Variants in CDC42BPB observed in about 807,000 individuals in gnomAD.
CDC42BPB encodes serine/threonine-protein kinase MRCK beta.
CDC42BPB carries 37 observed loss-of-function variants against 214.9 expected under a neutral mutation model. That is an observed-to-expected ratio of 0.17 (90% CI 0.13 to 0.23). The LOEUF (loss-of-function observed/expected upper bound fraction) is 0.23, where lower values mean the gene tolerates loss of function less well. CDC42BPB is among the 10% of genes least tolerant of loss of function. The pLI is 1.00. For missense variants in CDC42BPB, 1,694 were observed against 2,227.0 expected, an observed-to-expected ratio of 0.76 and a Z score of 4.82; for synonymous variants, 931 against 884.0, an observed-to-expected ratio of 1.05 and a Z score of -0.94.
intron 7 of CDC42BPB, among the ~76,000 whole-genome samples, chr14:102,981,498 C>T (rs548579305): frequency 3.3e-5 from 5 of 152,140 alleles, no homozygotes; most frequent in South Asian, 4.1e-4. Flanking sequence ...AAAAAGATAC[C>T]GGCTGGGCAC....
At chr14:102,951,514 C>T (rs1399126959) in intron 24 of CDC42BPB, among the ~76,000 whole-genome samples, 4 of 151,306 alleles carry the variant, frequency 2.6e-5, no homozygotes, top group East Asian at 1.9e-4. Flanking sequence ...ATGGGCTGGG[C>T]GCAGTGGCTC....
At chr14:103,032,535 C>CAAAAAAAAAAA (rs570009408) in intron 1 of CDC42BPB, among the ~76,000 whole-genome samples, 1 of 45,040 alleles carries the variant, frequency 2.2e-5, no homozygotes, top group Admixed American at 2.8e-4. Flanking sequence ...AAATAAACTG[C>CAAAAAAAAAAA]AAAAAAAAAA....
At chr14:103,038,999 CTG>C (rs768172181) in intron 1 of CDC42BPB, among the ~76,000 whole-genome samples, 42 of 152,086 alleles carry the variant, frequency 2.8e-4, no homozygotes, top group Middle Eastern at 3.2e-3. Context: ...CTATGAACAA[CTG>C]TATGCCAACA....
chr14:103,051,359 A>G (rs537599123), intron 1 of CDC42BPB, among the ~76,000 whole-genome samples: 2 of 151,962 alleles, frequency 1.3e-5, no homozygotes, highest in African/African-American at 4.8e-5. Flanking sequence ...GTCAAGGACT[A>G]ATAGGTATTA....
chr14:102,981,153 C>G, intron 7 of CDC42BPB, 132 bp from the exon 8 acceptor site: 1 of 1,466,320 alleles, frequency 6.8e-7, no homozygotes, highest in Non-Finnish European at 9.0e-7. Context: ...TAAATGCAAT[C>G]CAAAGCTAAT....
rs1891971401 is a variant in CDC42BPB at position 102,943,029 on chromosome 14, C to T, written c.4408+862G>A. Among the ~76,000 whole-genome samples the T allele has an allele frequency of 6.6e-6, 1 of 152,280 alleles. No individual in the cohort carries two copies. The highest frequency in any genetic ancestry group is 2.4e-5 in the African/African-American group (1 of 41,534). On this transcript the variant is annotated intron_variant, in intron 30 of 36. Coordinates refer to ENST00000361246, the MANE Select transcript of CDC42BPB (RefSeq NM_006035.4). This position sits in a 1 kb window ranked among gnomAD's most constrained non-coding sequence, Gnocchi z 4.6. ...GACTACAGGCGCCCGCCACCACGCC[C>T]GGCTAATTTTTTTTTGTATTTTTAG...
intron 12 of CDC42BPB, among the ~76,000 whole-genome samples, 192 bp downstream of exon 12, chr14:102,973,824 C>T (rs1005959194): frequency 3.9e-5 from 6 of 152,202 alleles, no homozygotes; most frequent in Admixed American, 1.3e-4. Flanking sequence ...CTCTGCCAGC[C>T]GACGCGGGGG....
At chr14:102,976,163 C>G in intron 9 of CDC42BPB, 114 bp from the exon 10 acceptor site, 1 of 1,497,510 alleles carries the variant, frequency 6.7e-7, no homozygotes, top group Non-Finnish European at 8.9e-7. Context: ...AACAAAAACA[C>G]CTGAGATAAG....
At chr14:103,056,644 T>C (rs2139808146) in intron 1 of CDC42BPB, among the ~76,000 whole-genome samples, 1 of 109,120 alleles carries the variant, frequency 9.2e-6, no homozygotes, top group African/African-American at 3.7e-5. Flanking sequence ...AGGGTGGATC[T>C]AGGAAGCCGC....
chr14:102,947,770 G>A lies in CDC42BPB; in HGVS notation c.3482C>T (p.Ala1161Val), dbSNP rs1420176623. ...DDEFSVSSVL[A>V]SDVIHATRRD... ...GCGTGTAGCATGAATGACATCTGAG[G>A]CCAGGACTGAGCTCACGGAAAACTC... The change falls in exon 27 of 37, where the codon GCC becomes GTC. Residue 1161 changes from alanine (A) to valine (V), a missense_variant. Transcript: ENST00000361246. 5.6e-6 allele frequency: 9 copies of A among 1,612,444 alleles called. No homozygotes were observed. In the South Asian group the frequency reaches 8.8e-5, roughly 16 times the overall value.
At chr14:102,970,356 C>T (rs1893420911) in intron 13 of CDC42BPB, 95 bp from the exon 14 acceptor site, 6 of 1,494,604 alleles carry the variant, frequency 4.0e-6, no homozygotes, top group East Asian at 2.5e-5. Context: ...AACAAGACCT[C>T]GAAGGAGCTC....
At chr14:102,936,278 A>G (rs967397568) in intron 36 of CDC42BPB, among the ~76,000 whole-genome samples, 1 of 152,232 alleles carries the variant, frequency 6.6e-6, no homozygotes, top group African/African-American at 2.4e-5. Context: ...ACAGGCACTC[A>G]AACACATATG....
Position 102,949,914 on chromosome 14 carries a change from AAAAC to A in CDC42BPB, c.3310-14_3310-11del, listed in dbSNP as rs1292477534. 1.9e-6 allele frequency: 3 copies of A among 1,612,750 alleles called. No homozygotes were observed. Among genetic ancestry groups the A allele is most frequent in the East Asian group, 2.2e-5 (1 of 44,868 alleles). ...CCGTGGGCTTTGGGACCTATGAATA[AAAAC>A]AAACAGTGGCCACGTTCCACCAGGC... On this transcript the variant is annotated splice_polypyrimidine_tract_variant and intron_variant, in intron 25 of 36. Coordinates refer to ENST00000361246, the MANE Select transcript of CDC42BPB (RefSeq NM_006035.4).
At position 102,933,836 on chromosome 14, in the gene CDC42BPB, G is replaced by C. The variant is rs867664425; in HGVS notation, c.5012C>G (p.Ser1671Trp). The C allele has an allele frequency of 1.2e-5, 18 of 1,519,706 alleles. No homozygotes were observed. Among genetic ancestry groups the C allele is most frequent in the Non-Finnish European group, 1.5e-5 (17 of 1,141,112 alleles). The allele number at this position is 1,519,706 out of a possible 1,614,324, so 94.1% of individuals were successfully genotyped here. A position where few individuals can be genotyped will look rare whatever the true frequency, so the allele number is the denominator to read the frequency against. Residue 1671 changes from serine to tryptophan, a missense_variant, in exon 37 of 37, where the codon TCG becomes TGG. Physicochemically the swap from Ser to Trp is radical, Grantham distance 177 (BLOSUM62 -3). This residue lies in a region of CDC42BPB where 146 missense variants were observed against 134.1 expected (regional missense o/e 1.09). Transcript: ENST00000361246. ...TGGAGTTGAGTGTTTGGTGGAGTCC[G>C]AATCAGGCTGTGAACAGGAAGAGGG... ...PDQDFDKEPD[S>W]DSTKHSTPSN... is the part of the protein sequence containing the mutation.
intron 6 of CDC42BPB, among the ~76,000 whole-genome samples, chr14:102,984,512 C>T (rs1020827599): frequency 5.9e-5 from 9 of 152,114 alleles, no homozygotes; most frequent in Admixed American, 5.9e-4. Context: ...GCTCCTACCC[C>T]CGCAAGGGAG....
chr14:102,987,416 A>G (rs559771179), intron 5 of CDC42BPB, among the ~76,000 whole-genome samples: 1 of 152,366 alleles, frequency 6.6e-6, no homozygotes, highest in Admixed American at 6.5e-5. Context: ...AAACAAAGAC[A>G]GACATTCAGC....
chr14:102,950,151 A>C, intron 25 of CDC42BPB: 1 of 954,472 alleles, frequency 1.0e-6, no homozygotes, highest in Non-Finnish European at 1.2e-6. Flanking sequence ...GCTGTGGTAC[A>C]CGCAGCCCGA....
chr14:103,053,126 G>A (rs1387333605), intron 1 of CDC42BPB, among the ~76,000 whole-genome samples: 1 of 151,874 alleles, frequency 6.6e-6, no homozygotes, highest in African/African-American at 2.4e-5. Context: ...GAGGAGGGTG[G>A]ATCACGAGGT....
intron 5 of CDC42BPB, among the ~76,000 whole-genome samples, chr14:102,987,136 G>A (rs994293148): frequency 1.3e-5 from 2 of 152,220 alleles, no homozygotes; most frequent in Non-Finnish European, 2.9e-5. Flanking sequence ...TGGCGATCTG[G>A]GGGAAGACTG....
Sources: allele counts gnomAD v4.1 joint callset (sites outside exome capture counted in the v4.1 genomes callset), GRCh38; gene constraint gnomAD v4.1.1; regional missense constraint gnomAD v4.1.1; non-coding constraint Gnocchi (gnomAD v3.1); transcripts MANE v1.5; gene names NCBI Gene and HGNC (gene_info 2026-07-23, HGNC 2026-07-21).